RYR2: variants seen among roughly 807,000 people sequenced by gnomAD.
The protein encoded by RYR2 is ryanodine receptor 2.
In RYR2, 227 loss-of-function variants were observed where a neutral mutation model predicts 601.1. That is an observed-to-expected ratio of 0.38 (90% CI 0.34 to 0.42). The LOEUF is 0.42. RYR2 is among the 10% of genes least tolerant of loss of function. The probability of loss-of-function intolerance (pLI) is 1.00; values close to 1 mark genes in which losing one functional copy is unlikely to be tolerated. For synonymous variants in RYR2, 2,223 were observed against 2,175.1 expected (o/e 1.02, Z -0.61); for missense variants, 4,646 against 6,156.5 (o/e 0.75, Z 8.21).
intron 1 of RYR2, among the ~76,000 whole-genome samples, chr1:237,135,675 C>T (rs2490374): frequency 0.55 from 83,863 of 151,948 alleles, 24,463 homozygotes; most frequent in Non-Finnish European, 0.65. Context: ...CGCGCCCGGC[C>T]CCCCTCGTTG....
At chr1:237,792,362 T>TGC (rs749443745) in intron 94 of RYR2, 39 bp downstream of exon 94, 2 of 869,550 alleles carry the variant, frequency 2.3e-6, no homozygotes, top group East Asian at 2.7e-5. Flanking sequence ...TGTGTGTGTG[T>TGC]GTGTGTGTGT....
chr1:237,581,300 A>G (rs1288211141), intron 29 of RYR2, among the ~76,000 whole-genome samples: 1 of 152,208 alleles, frequency 6.6e-6, no homozygotes, highest in Non-Finnish European at 1.5e-5. Flanking sequence ...TCAGAGGCCC[A>G]TGATGGTTAT....
At chr1:237,313,450 G>A (rs1572568509) in intron 2 of RYR2, among the ~76,000 whole-genome samples, 1 of 152,176 alleles carries the variant, frequency 6.6e-6, no homozygotes, top group South Asian at 2.1e-4. Context: ...TGTAATGGCT[G>A]AAGTAAAGGT....
In RYR2 at chr1:237,769,147, G is replaced by GA. The variant is rs199946164; in HGVS notation, c.11477-1651dup. The stretch of plus-strand genomic sequence containing the variant: ...GGTTTATTGAATTGATTTGTTTTTT[G>GA]AAAAAAAAATTGCAGATGGGCTCAC... On this transcript the variant is annotated intron_variant, in intron 84 of 104. Transcript: ENST00000366574. 3.0e-3 allele frequency among the ~76,000 whole-genome samples: 451 copies of GA among 149,858 alleles called. 2 individuals carry two copies. The highest frequency in any genetic ancestry group is 9.7e-3 in the African/African-American group (399 of 40,944).
chr1:237,434,005 G>A (rs1452707518), intron 12 of RYR2, among the ~76,000 whole-genome samples: 1 of 152,146 alleles, frequency 6.6e-6, no homozygotes, highest in Non-Finnish European at 1.5e-5. Flanking sequence ...AACTTTTCTA[G>A]GTCAGTTGCA....
At chr1:237,529,046 C>T (rs759080026) in intron 24 of RYR2, among the ~76,000 whole-genome samples, 2 of 152,274 alleles carry the variant, frequency 1.3e-5, no homozygotes, top group Admixed American at 1.3e-4. Flanking sequence ...AAGATACTAT[C>T]ATAATTGCCT....
At chr1:237,488,610 A>T (rs1662964318) in intron 17 of RYR2, among the ~76,000 whole-genome samples, 1 of 152,166 alleles carries the variant, frequency 6.6e-6, no homozygotes, top group Admixed American at 6.5e-5. Context: ...TCCACAAAGG[A>T]AGTGAAAATA....
At chr1:237,044,129 G>A (rs1388927123) in intron 1 of RYR2, among the ~76,000 whole-genome samples, 1 of 152,092 alleles carries the variant, frequency 6.6e-6, no homozygotes, top group Non-Finnish European at 1.5e-5. Context: ...CTTGGTCACG[G>A]TGTATAAACC....
chr1:237,587,674 G>A (rs1674680743), intron 29 of RYR2, among the ~76,000 whole-genome samples: 1 of 152,146 alleles, frequency 6.6e-6, no homozygotes, highest in Admixed American at 6.5e-5. Flanking sequence ...TTCTAGAATT[G>A]TAAACATAGC....
chr1:237,291,947 A>T (rs1163019810), intron 2 of RYR2, among the ~76,000 whole-genome samples: 1 of 152,220 alleles, frequency 6.6e-6, no homozygotes, highest in Non-Finnish European at 1.5e-5. Context: ...TGTAGGTTTG[A>T]CATCAATTGT....
At chr1:237,586,230 T>C (rs1221240179) in intron 29 of RYR2, among the ~76,000 whole-genome samples, 1 of 152,250 alleles carries the variant, frequency 6.6e-6, no homozygotes, top group Non-Finnish European at 1.5e-5. Context: ...GCCATATTAA[T>C]TTTATCTCTC....
chr1:237,286,625 C>T (rs918679841), intron 2 of RYR2, among the ~76,000 whole-genome samples: 2 of 80,436 alleles, frequency 2.5e-5, no homozygotes, highest in East Asian at 3.9e-4. Context: ...AATAGCTACC[C>T]GTACTTGTTT....
At chr1:237,655,585 A>G (rs1683165991) in intron 52 of RYR2, among the ~76,000 whole-genome samples, 1 of 152,128 alleles carries the variant, frequency 6.6e-6, no homozygotes, top group Admixed American at 6.6e-5. Context: ...TGTGTTGGAG[A>G]GTCAAAGATT....
intron 87 of RYR2, among the ~76,000 whole-genome samples, chr1:237,777,053 T>C (rs1027831346): frequency 2.6e-5 from 4 of 152,140 alleles, no homozygotes. Context: ...ATACCAGACC[T>C]TATGCTACCC....
Position 237,643,369 on chromosome 1 carries a change from A to G in RYR2, c.7264A>G (p.Ile2422Val). 3 of 1,613,816 alleles carry G rather than the reference A, an allele frequency of 1.9e-6. No individual in the cohort carries two copies. The highest frequency in any genetic ancestry group is 2.5e-6 in the Non-Finnish European group (3 of 1,179,782). ...GKGEAIRIRSILRSLIPLGDL... is the reference protein window; with the variant it reads ...GKGEAIRIRSVLRSLIPLGDL... ...GGGAGAAGCCATCAGAATTAGGTCC[A>G]TTTTGAGATCCCTCATTCCCCTGGG... is the stretch of plus-strand genomic sequence containing the variant. Residue 2422 changes from isoleucine (I) to valine (V), a missense_variant, in exon 48 of 105, where the codon ATT becomes GTT. Transcript: ENST00000366574.
intron 1 of RYR2, among the ~76,000 whole-genome samples, chr1:237,191,368 A>C (rs185656039): frequency 6.7e-6 from 1 of 149,418 alleles, no homozygotes. Context: ...CTCTTTTTCA[A>C]TATTTTTTGG....
rs551140501 is a variant in RYR2 at position 237,436,454 on chromosome 1, C to CTTTTTTTTTTTTTTT, written c.1006-4855_1006-4841dup. Among the ~76,000 whole-genome samples, 127 of 48,720 alleles carry CTTTTTTTTTTTTTTT rather than the reference C, an allele frequency of 2.6e-3. 15 individuals are homozygous for CTTTTTTTTTTTTTTT. Among genetic ancestry groups the CTTTTTTTTTTTTTTT allele is most frequent in the African/African-American group, 5.2e-3 (53 of 10,158 alleles). The allele number at this position is 48,720 out of a possible 152,430, so 32.0% of individuals were successfully genotyped here. ...AGCCGAGGGATAATGTGTGATTTTC[C>CTTTTTTTTTTTTTTT]TTTTTTTTTTTTTTTTTTTTTTTTG... On this transcript the variant is annotated intron_variant, in intron 12 of 104. Coordinates refer to ENST00000366574, the MANE Select transcript of RYR2 (RefSeq NM_001035.3).
chr1:237,365,836 T>C (rs1375029720), intron 5 of RYR2, among the ~76,000 whole-genome samples: 1 of 152,192 alleles, frequency 6.6e-6, no homozygotes, highest in Non-Finnish European at 1.5e-5. Context: ...TGAGAACAAA[T>C]GCATATAAAA....
chr1:237,310,302 T>C (rs1294642704), intron 2 of RYR2, among the ~76,000 whole-genome samples: 1 of 152,182 alleles, frequency 6.6e-6, no homozygotes, highest in Non-Finnish European at 1.5e-5. Flanking sequence ...GGGAATATAA[T>C]GTGAAAGGAA....
Sources: gnomAD v4.1 joint callset for allele counts (sites outside exome capture counted in the v4.1 genomes callset) on GRCh38, gnomAD v4.1.1 for gene constraint, MANE v1.5 for transcripts, NCBI Gene and HGNC (gene_info 2026-07-23, HGNC 2026-07-21) for gene names.